KCNMA1: variants seen among roughly 807,000 people sequenced by gnomAD.
KCNMA1 encodes Calcium-activated potassium channel subunit alpha-1.
Under a neutral mutation model 140.0 loss-of-function variants are expected in KCNMA1, and 29 were observed. The observed-to-expected ratio is 0.21, with a 90% CI of 0.15 to 0.28. The LOEUF is 0.28. Ranked by LOEUF, KCNMA1 falls within the 10% of genes least tolerant of loss-of-function variation. The pLI, the probability that KCNMA1 is intolerant of heterozygous loss-of-function variation, is 1.00. For synonymous variants in KCNMA1, 612 were observed against 611.9 expected, an observed-to-expected ratio of 1.00 and a Z score of 0.00; for missense variants, 880 against 1,602.2, an observed-to-expected ratio of 0.55 and a Z score of 7.70.
intron 7 of KCNMA1, 72 bp downstream of exon 7, chr10:77,112,295 A>G: frequency 9.6e-7 from 1 of 1,045,234 alleles, no homozygotes; most frequent in Non-Finnish European, 1.5e-6. Context: ...GATAAATTTT[A>G]GGTAATAAAA....
chr10:77,566,032 C>T (rs1057273983), intron 1 of KCNMA1, among the ~76,000 whole-genome samples: 3 of 109,274 alleles, frequency 2.7e-5, no homozygotes, highest in Non-Finnish European at 7.1e-5. Context: ...GTTTTTCTCT[C>T]CTCTTATTTC....
In KCNMA1 at chr10:77,196,575, G is replaced by T. The variant is rs538108502; in HGVS notation, c.603-11659C>A. Among the ~76,000 whole-genome samples the T allele has an allele frequency of 2.6e-5, 4 of 152,254 alleles. No homozygotes were observed. In the East Asian group the frequency reaches 5.8e-4, roughly 22 times the overall value. ...CATTTCAATATAATACATGGGATAT[G>T]GTTAATAGAATAGGAGGAAAAAGGA... On this transcript the variant is annotated intron_variant, in intron 3 of 27. Coordinates refer to ENST00000286628, the MANE Select transcript of KCNMA1 (RefSeq NM_001161352.2).
chr10:77,410,755 C>T (rs910249864), intron 1 of KCNMA1, among the ~76,000 whole-genome samples: 1 of 152,190 alleles, frequency 6.6e-6, no homozygotes, highest in South Asian at 2.1e-4. Flanking sequence ...CATTCCAGAC[C>T]CAGTCCCGTC....
chr10:77,222,048 T>G (rs868569414), intron 3 of KCNMA1, among the ~76,000 whole-genome samples: 21 of 152,116 alleles, frequency 1.4e-4, no homozygotes, highest in African/African-American at 5.1e-4. Context: ...CTATACAAAA[T>G]AATACGAGAA....
intron 2 of KCNMA1, among the ~76,000 whole-genome samples, chr10:77,273,705 G>A (rs1025374865): frequency 2.0e-5 from 3 of 152,158 alleles, no homozygotes; most frequent in Non-Finnish European, 4.4e-5. Flanking sequence ...AGGACCTGGT[G>A]GAAGTGTAAT....
At chr10:76,977,189 T>C (rs1331161264) in intron 19 of KCNMA1, among the ~76,000 whole-genome samples, 2 of 152,156 alleles carry the variant, frequency 1.3e-5, no homozygotes. Flanking sequence ...GGACAACTTT[T>C]AGAGTAGGGA....
intron 5 of KCNMA1, among the ~76,000 whole-genome samples, chr10:77,181,601 C>A (rs1258517494): frequency 6.6e-6 from 1 of 152,168 alleles, no homozygotes; most frequent in Non-Finnish European, 1.5e-5. Context: ...ATTGAGCTCC[C>A]AGGTCACAAA....
At chr10:77,285,876 G>A (rs621093) in intron 2 of KCNMA1, among the ~76,000 whole-genome samples, 128,607 of 152,238 alleles carry the variant, frequency 0.84, 54,555 homozygotes, top group African/African-American at 0.91. Context: ...CAGATGATTA[G>A]ATGAGATGTG....
At chr10:77,584,364 T>C (rs1481249764) in intron 1 of KCNMA1, among the ~76,000 whole-genome samples, 1 of 152,174 alleles carries the variant, frequency 6.6e-6, no homozygotes, top group Non-Finnish European at 1.5e-5. Flanking sequence ...AATGTTTTTG[T>C]TTTTGTTTTG....
intron 1 of KCNMA1, among the ~76,000 whole-genome samples, chr10:77,612,644 G>C (rs1376234066): frequency 6.6e-6 from 1 of 152,172 alleles, no homozygotes; most frequent in Non-Finnish European, 1.5e-5. Context: ...CCTTATGTCT[G>C]TGCATGCCCT....
At chr10:77,527,667 A>G (rs1047673429) in intron 1 of KCNMA1, among the ~76,000 whole-genome samples, 1 of 152,206 alleles carries the variant, frequency 6.6e-6, no homozygotes, top group African/African-American at 2.4e-5. Flanking sequence ...AGAAGAGCCC[A>G]TAAACCATTT....
Position 77,368,951 on chromosome 10 carries a change from T to G in KCNMA1, c.540+34911A>C, listed in dbSNP as rs2094523133. Among the ~76,000 whole-genome samples the G allele has an allele frequency of 2.6e-5, 4 of 152,368 alleles. No homozygotes were observed. The South Asian group carries it at 8.3e-4, about 32-fold the overall frequency. On this transcript the variant is annotated intron_variant, in intron 2 of 27. Transcript: ENST00000286628. ...GATTACTATAGCTTTATAGCAAGTG[T>G]TAAAATCAGGTAGGGCGATTGGTGA...
chr10:76,936,380 C>A (rs2060561170), intron 23 of KCNMA1, among the ~76,000 whole-genome samples: 1 of 152,140 alleles, frequency 6.6e-6, no homozygotes, highest in Non-Finnish European at 1.5e-5. Flanking sequence ...AAAGTTACTA[C>A]CTAGAGGCTA....
intron 6 of KCNMA1, among the ~76,000 whole-genome samples, chr10:77,115,232 T>G (rs1162101993): frequency 6.6e-6 from 1 of 152,208 alleles, no homozygotes; most frequent in African/African-American, 2.4e-5. Flanking sequence ...TCAAAATGTG[T>G]GGAACAACTT....
chr10:77,508,646 G>T (rs1402000142), intron 1 of KCNMA1, among the ~76,000 whole-genome samples: 1 of 131,678 alleles, frequency 7.6e-6, no homozygotes, highest in African/African-American at 3.0e-5. Context: ...TTTTGTAAAG[G>T]CATGATCTCA....
intron 5 of KCNMA1, chr10:77,147,666 T>G (rs1172267591): frequency 6.6e-6 from 1 of 152,054 alleles, no homozygotes; most frequent in East Asian, 1.9e-4. Context: ...AAACCTGAAC[T>G]CAAAGAAGAG....
intron 23 of KCNMA1, among the ~76,000 whole-genome samples, chr10:76,918,133 C>T (rs762420943): frequency 3.3e-5 from 5 of 152,178 alleles, no homozygotes; most frequent in Non-Finnish European, 5.9e-5. Context: ...CATTAAACAA[C>T]GCCCTAGTTC....
chr10:77,204,341 G>A (rs1300666623), intron 3 of KCNMA1, among the ~76,000 whole-genome samples: 1 of 152,118 alleles, frequency 6.6e-6, no homozygotes, highest in Non-Finnish European at 1.5e-5. Context: ...CTAGCCATGA[G>A]AGGTCCAAGA....
intron 1 of KCNMA1, among the ~76,000 whole-genome samples, chr10:77,521,121 C>A (rs1469058116): frequency 6.6e-6 from 1 of 152,188 alleles, no homozygotes; most frequent in African/African-American, 2.4e-5. Context: ...AACCATAACA[C>A]ACAAAGCAGG....
Sources: allele counts gnomAD v4.1 joint callset (sites outside exome capture counted in the v4.1 genomes callset), GRCh38; gene constraint gnomAD v4.1.1; transcripts MANE v1.5; gene names NCBI Gene and HGNC (gene_info 2026-07-23, HGNC 2026-07-21).